Variants in ATXN7L3 observed in about 807,000 individuals in gnomAD.
The protein encoded by ATXN7L3 is ataxin 7 like 3.
ATXN7L3 carries 6 observed loss-of-function variants against 50.0 expected under a neutral mutation model. The ratio of observed to expected loss-of-function variants is 0.12; its 90% CI spans 0.07 to 0.24. ATXN7L3 has a LOEUF of 0.24. Among genes scored for constraint, ATXN7L3 ranks in the 10% least tolerant of loss-of-function variants. ATXN7L3 has a pLI of 1.00. For synonymous variants in ATXN7L3, 198 were observed against 165.8 expected, an observed-to-expected ratio of 1.19 and a Z score of -1.49; for missense variants, 322 against 451.3, an observed-to-expected ratio of 0.71 and a Z score of 2.60.
Position 44,199,639 on chromosome 17 carries a change from G to A in ATXN7L3, c.-204C>T, listed in dbSNP as rs926197827. The A allele has an allele frequency of 2.1e-5, 3 of 145,454 alleles. No individual in the cohort carries two copies. The highest frequency in any genetic ancestry group is 6.7e-5 in the Admixed American group (1 of 14,906). 9.0% of individuals were successfully genotyped at this position (145,454 alleles called of 1,614,324 possible). Reference sequence around the variant, plus strand: ...GGGGCCCAGGGCCCGGGGCCGGGGGGTCGGGCCGCCCCCCCGCCTGGCCGC... The same window carrying A: ...GGGGCCCAGGGCCCGGGGCCGGGGGATCGGGCCGCCCCCCCGCCTGGCCGC... On this transcript the variant is annotated 5_prime_UTR_variant, in exon 1 of 13. Coordinates refer to ENST00000587097, the MANE Select transcript of ATXN7L3 (RefSeq NM_001382309.1).
intron 1 of ATXN7L3, chr17:44,198,419 A>G: frequency 3.6e-6 from 1 of 277,400 alleles, no homozygotes; most frequent in Middle Eastern, 1.1e-3. Flanking sequence ...CCTCTTTGAT[A>G]CCCATGGTGC....
intron 5 of ATXN7L3, 152 bp downstream of exon 5, chr17:44,196,777 C>CAAAAAAAA (rs34885873): frequency 5.9e-5 from 14 of 237,820 alleles, no homozygotes; most frequent in African/African-American, 1.8e-4. Flanking sequence ...GAATCCATCT[C>CAAAAAAAA]AAAAAAAAAA....
chr17:44,195,969 A>G, intron 7 of ATXN7L3, 65 bp downstream of exon 7: 1 of 1,548,162 alleles, frequency 6.5e-7, no homozygotes, highest in Non-Finnish European at 8.9e-7. Context: ...CCCCACCTCC[A>G]CCCCCCGGCA....
chr17:44,194,753 T>C lies in ATXN7L3; in HGVS notation c.737+15A>G. On this transcript the variant is annotated intron_variant, in intron 11 of 12. Transcript: ENST00000587097. ...ACTGGTCACAACCCCCCACCCTTCCTGTAGGGCCACTTACGCCGAGGGCCC... is the reference window on the plus strand; with the variant it reads ...ACTGGTCACAACCCCCCACCCTTCCCGTAGGGCCACTTACGCCGAGGGCCC... 2 of 1,614,060 alleles carry C rather than the reference T, an allele frequency of 1.2e-6. No individual in the cohort carries two copies. The highest frequency in any genetic ancestry group is 1.7e-6 in the Non-Finnish European group (2 of 1,179,944).
Position 44,192,564 on chromosome 17 carries a change from CCT to C in ATXN7L3, c.*1697_*1698del, listed in dbSNP as rs1186340621. ...TGAGATCCTCCTCTCCCTCTGGCCT[CCT>C]CTCGGAGGGAGACTACGGAGGGCCA... is the stretch of plus-strand genomic sequence containing the variant. On this transcript the variant is annotated 3_prime_UTR_variant, in exon 13 of 13. Coordinates refer to ENST00000587097, the MANE Select transcript of ATXN7L3 (RefSeq NM_001382309.1). 2 of 152,228 alleles carry C rather than the reference CCT, an allele frequency of 1.3e-5. No individual in the cohort carries two copies. Among genetic ancestry groups the C allele is most frequent in the Non-Finnish European group, 2.9e-5 (2 of 68,044 alleles). 9.4% of individuals were successfully genotyped at this position (152,228 alleles called of 1,614,324 possible). A position where few individuals can be genotyped will look rare whatever the true frequency, so the allele number is the denominator to read the frequency against.
At chr17:44,195,023 AG>A in intron 10 of ATXN7L3, 73 bp downstream of exon 10, 1 of 1,568,734 alleles carries the variant, frequency 6.4e-7, no homozygotes, top group Non-Finnish European at 8.8e-7. Flanking sequence ...GCTCAAGTCC[AG>A]GGGTACTCCC....
chr17:44,198,385 C>A, intron 1 of ATXN7L3: 1 of 349,524 alleles, frequency 2.9e-6, no homozygotes, highest in Non-Finnish European at 5.2e-6. Flanking sequence ...CAGCAGCTCA[C>A]CCTAGGTCCC....
chr17:44,197,420 C>T lies in ATXN7L3; in HGVS notation c.185-21G>A, dbSNP rs770471475. ...GATCTCTGGGGACAGGAGAGGCTGG[C>T]GATCAGGGTGGGCAGGACCCTCTCC... On this transcript the variant is annotated intron_variant, in intron 3 of 12. Transcript: ENST00000587097. 27 of 1,581,384 alleles carry T rather than the reference C, an allele frequency of 1.7e-5. No individual in the cohort carries two copies. In the Admixed American group the frequency reaches 3.8e-4, roughly 22 times the overall value.
rs1242257505 is a variant in ATXN7L3, at chr17:44,196,841, A to G, written c.454+88T>C. The G allele has an allele frequency of 1.7e-5, 15 of 896,080 alleles. 1 individual carries two copies. The South Asian group carries it at 2.0e-4, about 12-fold the overall frequency. 55.5% of individuals were successfully genotyped at this position (896,080 alleles called of 1,614,324 possible). A position where few individuals can be genotyped will look rare whatever the true frequency, so the allele number is the denominator to read the frequency against. ...TAACTACACTCTCTCTTCATCATTC[A>G]AGGCAACAATTTGTGACCACTGTAT... On this transcript the variant is annotated intron_variant, in intron 5 of 12. Coordinates refer to ENST00000587097, the MANE Select transcript of ATXN7L3 (RefSeq NM_001382309.1).
At chr17:44,196,749 G>C (rs1293198766) in intron 5 of ATXN7L3, among the ~76,000 whole-genome samples, 180 bp downstream of exon 5, 1 of 128,636 alleles carries the variant, frequency 7.8e-6, no homozygotes, top group Non-Finnish European at 1.5e-5. Context: ...CTGCACCCCA[G>C]CCTGGGCCAC....
chr17:44,196,257 C>G, intron 6 of ATXN7L3, 139 bp downstream of exon 6: 1 of 1,035,392 alleles, frequency 9.7e-7, no homozygotes, highest in Non-Finnish European at 1.4e-6. Context: ...CCACACTCCC[C>G]CGCCCCGGAC....
intron 6 of ATXN7L3, 147 bp from the exon 7 acceptor site, chr17:44,196,226 T>TCCCCCCCCCCCCCCAGCCCCC: frequency 1.4e-6 from 1 of 737,700 alleles, no homozygotes; most frequent in Non-Finnish European, 2.1e-6. Flanking sequence ...CCATGTGCCC[T>TCCCCCCCCCCCCCCAGCCCCC]CCCCCACCCC....
chr17:44,196,226 T>TCCCCCCCCCCCCCCCCCCCCCCCC, intron 6 of ATXN7L3, 147 bp from the exon 7 acceptor site: 1 of 737,702 alleles, frequency 1.4e-6, no homozygotes, highest in Non-Finnish European at 2.1e-6. Flanking sequence ...CCATGTGCCC[T>TCCCCCCCCCCCCCCCCCCCCCCCC]CCCCCACCCC....
chr17:44,191,851 G>A lies in ATXN7L3; in HGVS notation c.*2412C>T, dbSNP rs745893038. ...ATTTACACCAGCAGCCATGGGGGCA[G>A]AGGGAATACACAGCGTTTACAAAGT... On this transcript the variant is annotated 3_prime_UTR_variant, in exon 13 of 13. Transcript: ENST00000587097. 3.6e-5 allele frequency: 18 copies of A among 501,224 alleles called. No individual in the cohort carries two copies. Among genetic ancestry groups the A allele is most frequent in the Non-Finnish European group, 4.6e-5 (18 of 387,696 alleles). 31.0% of individuals were successfully genotyped at this position (501,224 alleles called of 1,614,324 possible).
At chr17:44,197,050 G>A (rs769246989) in intron 4 of ATXN7L3, 24 bp from the exon 5 acceptor site, 22 of 1,587,944 alleles carry the variant, frequency 1.4e-5, no homozygotes, top group Non-Finnish European at 1.8e-5. Context: ...GGAAGAGAAA[G>A]GGGCCAAGGG....
Position 44,194,809 on chromosome 17 carries a change from C to A in ATXN7L3, c.696G>T (p.Glu232Asp). 1 of 1,614,186 alleles carries A rather than the reference C, an allele frequency of 6.2e-7. No homozygotes were observed. Among genetic ancestry groups the A allele is most frequent in the Non-Finnish European group, 8.5e-7 (1 of 1,180,022 alleles). ...AATAAATCCGTACGGTTCGCCTCTG[C>A]TCATCTGTGTGCTGTGGGCAGCGCA... ...RSLRCPQHTDEQRRTVRIYFL... is the reference protein window; with the variant it reads ...RSLRCPQHTDDQRRTVRIYFL... The change falls in exon 11 of 13, where the codon GAG becomes GAT. Residue 232 changes from glutamate to aspartate, a missense_variant. By Grantham distance (45) the Glu-to-Asp change is conservative (BLOSUM62 2). Coordinates refer to ENST00000587097, the MANE Select transcript of ATXN7L3 (RefSeq NM_001382309.1).
Position 44,195,264 on chromosome 17 carries a change from G to A in ATXN7L3, c.622-124C>T, listed in dbSNP as rs777518787. The A allele has an allele frequency of 4.5e-6, 6 of 1,342,502 alleles. 1 individual carries two copies. Among genetic ancestry groups the A allele is most frequent in the Admixed American group, 3.4e-5 (2 of 59,250 alleles). The allele number at this position is 1,342,502 out of a possible 1,614,324, so 83.2% of individuals were successfully genotyped here. A position where few individuals can be genotyped will look rare whatever the true frequency, so the allele number is the denominator to read the frequency against. ...TGGCCCAAAGGTGTCCAGAGCAGATGGTCCCAGGACACTATGGGCCGGGAA... is the reference window on the plus strand; with the variant it reads ...TGGCCCAAAGGTGTCCAGAGCAGATAGTCCCAGGACACTATGGGCCGGGAA... On this transcript the variant is annotated intron_variant, in intron 9 of 12. Coordinates refer to ENST00000587097, the MANE Select transcript of ATXN7L3 (RefSeq NM_001382309.1).
Position 44,196,576 on chromosome 17 carries a change from G to A in ATXN7L3, c.455-158C>T, listed in dbSNP as rs146777462. ...GGGCAGATCACGAGGTCAGAAGATCGAGACCATCCTGGCCAATATGGTGAA... is the reference window on the plus strand; with the variant it reads ...GGGCAGATCACGAGGTCAGAAGATCAAGACCATCCTGGCCAATATGGTGAA... On this transcript the variant is annotated intron_variant, in intron 5 of 12. Transcript: ENST00000587097. 2.7e-3 allele frequency among the ~76,000 whole-genome samples: 403 copies of A among 151,964 alleles called. 1 individual carries two copies. The highest frequency in any genetic ancestry group is 9.3e-3 in the East Asian group (48 of 5,160).
chr17:44,197,442 C>T (rs774637804), intron 3 of ATXN7L3, 43 bp from the exon 4 acceptor site: 4 of 1,573,304 alleles, frequency 2.5e-6, no homozygotes, highest in African/African-American at 2.7e-5. Context: ...GCAGGACCCT[C>T]TCCTCTTGTT....
Sources: allele counts gnomAD v4.1 joint callset (sites outside exome capture counted in the v4.1 genomes callset), GRCh38; gene constraint gnomAD v4.1.1; transcripts MANE v1.5; gene names NCBI Gene and HGNC (gene_info 2026-07-23, HGNC 2026-07-21).